BTBD9: variants seen among roughly 807,000 people sequenced by gnomAD.
BTBD9 encodes the protein BTB/POZ domain-containing protein 9.
A neutral mutation model predicts 64.3 loss-of-function variants in BTBD9; 49 were observed. The observed-to-expected ratio is 0.76, with a 90% CI of 0.61 to 0.97. The LOEUF is 0.97. Among genes scored for constraint, BTBD9 ranks in the 50% least tolerant of loss-of-function variants. BTBD9 has a pLI of 0.00. For synonymous variants in BTBD9, 260 were observed against 274.7 expected (o/e 0.95, Z 0.53); for missense variants, 598 against 762.1 (o/e 0.78, Z 2.53).
At chr6:38,234,773 C>T (rs943078357) in intron 9 of BTBD9, among the ~76,000 whole-genome samples, 5 of 152,248 alleles carry the variant, frequency 3.3e-5, no homozygotes, top group Admixed American at 3.3e-4. Flanking sequence ...AGAGCCAGGC[C>T]TCCTGATTTT....
At chr6:38,334,420 C>G (rs112799077) in intron 7 of BTBD9, among the ~76,000 whole-genome samples, 1 of 151,924 alleles carries the variant, frequency 6.6e-6, no homozygotes, top group Non-Finnish European at 1.5e-5. Flanking sequence ...ATTAGCCAGG[C>G]GTGGTGGTGC....
chr6:38,591,875 ATTATTG>A (rs1776807161), intron 4 of BTBD9, among the ~76,000 whole-genome samples: 1 of 152,106 alleles, frequency 6.6e-6, no homozygotes, highest in African/African-American at 2.4e-5. Context: ...GTTAGCTATT[ATTATTG>A]TTATTTAGAA....
rs141036504 is a variant in BTBD9 at position 38,312,632 on chromosome 6, C to T, written c.1265-24171G>A. ...GTTTCATTCTTCCACATATGGATAT[C>T]CAGTTTTCCCAGCATCACTTATTGA... On this transcript the variant is annotated intron_variant, in intron 7 of 10. Coordinates refer to ENST00000481247, the MANE Select transcript of BTBD9 (RefSeq NM_001099272.2). Among the ~76,000 whole-genome samples, 117 of 152,254 alleles carry T rather than the reference C, an allele frequency of 7.7e-4. 2 individuals carry two copies. The East Asian group carries it at 0.011, about 14-fold the overall frequency.
At chr6:38,447,476 C>G (rs1487910625) in intron 6 of BTBD9, among the ~76,000 whole-genome samples, 5 of 152,176 alleles carry the variant, frequency 3.3e-5, no homozygotes, top group Non-Finnish European at 5.9e-5. Context: ...AGCGCACTGA[C>G]ATCCTTATTC....
intron 9 of BTBD9, among the ~76,000 whole-genome samples, chr6:38,205,551 A>T (rs959448149): frequency 1.1e-4 from 16 of 152,112 alleles, no homozygotes; most frequent in Non-Finnish European, 2.2e-4. Context: ...AAGAAAAATA[A>T]AAATAATAAA....
chr6:38,543,851 G>A (rs1288370353), intron 6 of BTBD9, among the ~76,000 whole-genome samples: 1 of 151,848 alleles, frequency 6.6e-6, no homozygotes, highest in Non-Finnish European at 1.5e-5. Flanking sequence ...CAGCTACTTG[G>A]GAGGCTGAGG....
intron 6 of BTBD9, among the ~76,000 whole-genome samples, chr6:38,507,370 T>A (rs1234752578): frequency 6.6e-6 from 1 of 152,258 alleles, no homozygotes; most frequent in Non-Finnish European, 1.5e-5. Flanking sequence ...AAATTTCTCC[T>A]GTCTCAGCAA....
At chr6:38,324,391 GTA>G in intron 7 of BTBD9, among the ~76,000 whole-genome samples, 1 of 152,314 alleles carries the variant, frequency 6.6e-6, no homozygotes, top group South Asian at 2.1e-4. Flanking sequence ...AGGAATGCAA[GTA>G]TGGGTCATCA....
chr6:38,437,153 G>A (rs1027059999), intron 6 of BTBD9, among the ~76,000 whole-genome samples: 1 of 152,144 alleles, frequency 6.6e-6, no homozygotes, highest in African/African-American at 2.4e-5. Flanking sequence ...AGTCAACTAT[G>A]ATCACGTGTA....
intron 9 of BTBD9, among the ~76,000 whole-genome samples, chr6:38,203,855 T>C (rs7759051): frequency 4.5e-4 from 69 of 152,254 alleles, no homozygotes; most frequent in African/African-American, 1.5e-3. Context: ...CTAGGGTGAC[T>C]ATAGTTAGCA....
chr6:38,563,868 G>A lies in BTBD9; in HGVS notation c.1154+13732C>T, dbSNP rs183843350. Among the ~76,000 whole-genome samples, 366 of 141,402 alleles carry A rather than the reference G, an allele frequency of 2.6e-3. 2 individuals are homozygous for A. Among genetic ancestry groups the A allele is most frequent in the Non-Finnish European group, 4.6e-3 (309 of 66,622 alleles). The allele number at this position is 141,402 out of a possible 152,430, so 92.8% of individuals were successfully genotyped here. ...ACGATCTTGGCTCACTGCAAGCTCC[G>A]CCTCCCGGTTCCATGCCATTATCCT... On this transcript the variant is annotated intron_variant, in intron 6 of 10. Transcript: ENST00000481247.
At chr6:38,443,643 T>C (rs1281400792) in intron 6 of BTBD9, among the ~76,000 whole-genome samples, 4 of 152,248 alleles carry the variant, frequency 2.6e-5, no homozygotes, top group Admixed American at 6.5e-5. Flanking sequence ...TGTCTCTCTC[T>C]CTCTTTCTCT....
At chr6:38,548,098 C>T (rs1347906612) in intron 6 of BTBD9, among the ~76,000 whole-genome samples, 1 of 152,172 alleles carries the variant, frequency 6.6e-6, no homozygotes, top group Non-Finnish European at 1.5e-5. Context: ...TTTTTATACT[C>T]ATTTAGTTAC....
At chr6:38,325,306 G>A (rs78146687) in intron 7 of BTBD9, among the ~76,000 whole-genome samples, 1 of 152,142 alleles carries the variant, frequency 6.6e-6, no homozygotes, top group East Asian at 1.9e-4. Context: ...GAAAAAATAT[G>A]AATAAAAGAG....
intron 6 of BTBD9, among the ~76,000 whole-genome samples, chr6:38,469,322 CTT>C (rs11432881): frequency 1.1e-4 from 14 of 127,492 alleles, no homozygotes; most frequent in Non-Finnish European, 1.3e-4. Flanking sequence ...TTTTTTTTTC[CTT>C]TTTTTTTTTT....
chr6:38,536,059 C>T (rs1385460377), intron 6 of BTBD9, among the ~76,000 whole-genome samples: 1 of 152,066 alleles, frequency 6.6e-6, no homozygotes, highest in East Asian at 1.9e-4. Context: ...GAAGAAACAA[C>T]TCACATAATG....
At chr6:38,449,795 C>T (rs1406880525) in intron 6 of BTBD9, among the ~76,000 whole-genome samples, 1 of 151,854 alleles carries the variant, frequency 6.6e-6, no homozygotes, top group Non-Finnish European at 1.5e-5. Flanking sequence ...GGATTGAAGC[C>T]TTAGATGTAG....
At chr6:38,541,991 T>C (rs1291645852) in intron 6 of BTBD9, among the ~76,000 whole-genome samples, 2 of 152,180 alleles carry the variant, frequency 1.3e-5, no homozygotes, top group African/African-American at 4.8e-5. Context: ...ATTTAACCCA[T>C]AAATTTATAC....
At chr6:38,589,006 A>C (rs562922521) in intron 4 of BTBD9, among the ~76,000 whole-genome samples, 1 of 152,286 alleles carries the variant, frequency 6.6e-6, no homozygotes, top group African/African-American at 2.4e-5. Context: ...CCTTGTATTT[A>C]TATTATTGAT....
Sources: gnomAD v4.1 joint callset for allele counts (sites outside exome capture counted in the v4.1 genomes callset) on GRCh38, gnomAD v4.1.1 for gene constraint, MANE v1.5 for transcripts, NCBI Gene and HGNC (gene_info 2026-07-23, HGNC 2026-07-21) for gene names.